Variants in BBS9 observed in about 807,000 individuals in gnomAD.
BBS9 encodes Bardet-Biedl syndrome 9, also known as protein PTHB1.
Under a neutral mutation model 117.7 loss-of-function variants are expected in BBS9, and 89 were observed. The observed-to-expected ratio is 0.76, with a 90% CI of 0.64 to 0.90. The LOEUF (loss-of-function observed/expected upper bound fraction) is 0.90. BBS9 is among the 40% of genes least tolerant of loss of function. The pLI is 0.00. For missense variants in BBS9, 982 were observed against 1,042.2 expected (o/e 0.94, Z 0.80); for synonymous variants, 379 against 370.9 (o/e 1.02, Z -0.25).
chr7:33,572,792 T>A (rs1241029254), intron 21 of BBS9, among the ~76,000 whole-genome samples: 1 of 152,108 alleles, frequency 6.6e-6, no homozygotes, highest in East Asian at 1.9e-4. Context: ...TTGGATTTTC[T>A]TTCTTTTTTT....
intron 20 of BBS9, among the ~76,000 whole-genome samples, chr7:33,529,201 A>T (rs554105602): frequency 2.0e-5 from 3 of 152,336 alleles, no homozygotes; most frequent in South Asian, 2.1e-4. Flanking sequence ...GGACTGTAGG[A>T]GCCTCTGCAC....
chr7:33,538,081 C>G (rs2129066154), intron 21 of BBS9, among the ~76,000 whole-genome samples: 1 of 152,232 alleles, frequency 6.6e-6, no homozygotes, highest in African/African-American at 2.4e-5. Flanking sequence ...GGTGTAAAGA[C>G]AATCCAGGCT....
At chr7:33,598,799 C>T in intron 21 of BBS9, among the ~76,000 whole-genome samples, 1 of 152,228 alleles carries the variant, frequency 6.6e-6, no homozygotes, top group African/African-American at 2.4e-5. Context: ...GATAAGACAT[C>T]TGGCAGTGTT....
chr7:33,256,560 T>C (rs75446926), intron 5 of BBS9, among the ~76,000 whole-genome samples: 2,444 of 152,268 alleles, frequency 0.016, 70 homozygotes, highest in African/African-American at 0.056. Flanking sequence ...TTGTCCTTAG[T>C]CAGATACAAG....
chr7:33,591,405 C>T (rs1010548034), intron 21 of BBS9, among the ~76,000 whole-genome samples: 87 of 151,934 alleles, frequency 5.7e-4, no homozygotes, highest in African/African-American at 1.9e-3. Flanking sequence ...ATTTCTATGT[C>T]TTTAGAGATG....
At chr7:33,154,366 C>T (rs1416378368) in intron 3 of BBS9, among the ~76,000 whole-genome samples, 1 of 152,198 alleles carries the variant, frequency 6.6e-6, no homozygotes, top group East Asian at 1.9e-4. Flanking sequence ...CCACCTAGGT[C>T]TGCAGACTTC....
chr7:33,333,413 C>A (rs917421244), intron 9 of BBS9, among the ~76,000 whole-genome samples: 6 of 152,114 alleles, frequency 3.9e-5, no homozygotes, highest in African/African-American at 1.4e-4. Context: ...GAGTTGTGTT[C>A]CATGGTGTGT....
In BBS9 at chr7:33,364,279, C is replaced by G. The variant is rs77625171; in HGVS notation, c.1694-3488C>G. ...ATATTTTTAGATTTAATTTGCCAAA[C>G]TGTATTTTAGAATTTTTGTATCTAT... is the stretch of plus-strand genomic sequence containing the variant. On this transcript the variant is annotated intron_variant, in intron 16 of 22. Coordinates refer to ENST00000242067, the MANE Select transcript of BBS9 (RefSeq NM_198428.3). Among the ~76,000 whole-genome samples, 911 of 152,174 alleles carry G rather than the reference C, an allele frequency of 6.0e-3. 13 individuals are homozygous for G. The highest frequency in any genetic ancestry group is 0.021 in the African/African-American group (874 of 41,494).
chr7:33,204,133 G>A (rs1022748816), intron 5 of BBS9, among the ~76,000 whole-genome samples: 3 of 136,076 alleles, frequency 2.2e-5, no homozygotes, highest in African/African-American at 8.3e-5. Context: ...GCCGGGCATG[G>A]TGGCTCACGC....
intron 19 of BBS9, 89 bp downstream of exon 19, chr7:33,388,233 G>A (rs1563103640): frequency 3.4e-6 from 5 of 1,485,260 alleles, no homozygotes; most frequent in Non-Finnish European, 4.7e-6. Flanking sequence ...CCAAGATAAG[G>A]TACTCATTTC....
intron 16 of BBS9, among the ~76,000 whole-genome samples, chr7:33,362,919 A>G (rs144086921): frequency 5.3e-5 from 8 of 152,160 alleles, no homozygotes; most frequent in African/African-American, 1.7e-4. Context: ...TTTTTTTAAG[A>G]TGAAAATGCA....
intron 6 of BBS9, among the ~76,000 whole-genome samples, chr7:33,264,058 C>T (rs1461659427): frequency 6.6e-6 from 1 of 151,948 alleles, no homozygotes; most frequent in Admixed American, 6.6e-5. Context: ...GAGCTGTTTT[C>T]CCAACACTGA....
intron 9 of BBS9, among the ~76,000 whole-genome samples, chr7:33,290,896 G>T (rs977946981): frequency 2.0e-5 from 3 of 152,066 alleles, no homozygotes; most frequent in African/African-American, 7.2e-5. Flanking sequence ...TTACATCTTT[G>T]CCAGAAATGG....
chr7:33,469,820 A>G (rs534607786), intron 19 of BBS9, among the ~76,000 whole-genome samples: 1 of 152,264 alleles, frequency 6.6e-6, no homozygotes, highest in Admixed American at 6.5e-5. Flanking sequence ...TTGTAACTCA[A>G]AGCGCCCTAG....
chr7:33,611,264 A>G (rs1021517300), intron 21 of BBS9, among the ~76,000 whole-genome samples: 4 of 151,776 alleles, frequency 2.6e-5, no homozygotes, highest in African/African-American at 7.3e-5. Context: ...GAACATTAAG[A>G]TCATCTGAAT....
chr7:33,349,367 T>A, intron 13 of BBS9, 197 bp downstream of exon 13: 1 of 609,784 alleles, frequency 1.6e-6, no homozygotes, highest in Non-Finnish European at 3.1e-6. Flanking sequence ...TTGGGTCAAA[T>A]TAATCTTTTA....
intron 21 of BBS9, among the ~76,000 whole-genome samples, chr7:33,565,843 CTTATATATA>C (rs1212342686): frequency 8.8e-5 from 3 of 34,034 alleles, no homozygotes; most frequent in African/African-American, 1.9e-4. Flanking sequence ...ATATATACTG[CTTATATATA>C]TATATATATA....
chr7:33,588,924 A>G (rs749508153), intron 21 of BBS9, among the ~76,000 whole-genome samples: 7 of 152,122 alleles, frequency 4.6e-5, no homozygotes, highest in African/African-American at 4.8e-5. Flanking sequence ...GGACCAGATC[A>G]TGTGCAGCCT....
At chr7:33,482,692 G>A (rs1205768352) in intron 19 of BBS9, among the ~76,000 whole-genome samples, 1 of 152,146 alleles carries the variant, frequency 6.6e-6, no homozygotes, top group Non-Finnish European at 1.5e-5. Flanking sequence ...TTCCAGTTCA[G>A]TTGAAATTAT....
Sources: allele counts gnomAD v4.1 joint callset (sites outside exome capture counted in the v4.1 genomes callset), GRCh38; gene constraint gnomAD v4.1.1; transcripts MANE v1.5; gene names NCBI Gene and HGNC (gene_info 2026-07-23, HGNC 2026-07-21).